Variants in PHACTR1 observed in about 807,000 individuals in gnomAD.
PHACTR1 encodes RPEL repeat containing 1.
Under a neutral mutation model 69.2 loss-of-function variants are expected in PHACTR1, and 16 were observed. The ratio of observed to expected loss-of-function variants is 0.23; its 90% CI spans 0.16 to 0.35. The LOEUF (loss-of-function observed/expected upper bound fraction) is 0.35. PHACTR1 is among the 10% of genes least tolerant of loss of function. The pLI, the probability that PHACTR1 is intolerant of heterozygous loss-of-function variation, is 1.00. For missense variants in PHACTR1, 510 were observed against 734.7 expected (o/e 0.69, Z 3.54); for synonymous variants, 312 against 284.5 (o/e 1.10, Z -0.97).
rs574723399 is a variant in PHACTR1 at position 12,946,030 on chromosome 6, G to T, written c.251-107335G>T. Among the ~76,000 whole-genome samples the T allele has an allele frequency of 8.6e-5, 13 of 150,848 alleles. No homozygotes were observed. In the East Asian group the frequency reaches 2.1e-3, roughly 25 times the overall value. ...AAGTTCATGAAACCTCCAAGGCGGG[G>T]GTGGAAGTGGATCTAGTATACAGTA... On this transcript the variant is annotated intron_variant, in intron 4 of 14. Transcript: ENST00000332995.
chr6:13,163,879 A>G (rs1759404366), intron 6 of PHACTR1, among the ~76,000 whole-genome samples: 1 of 152,124 alleles, frequency 6.6e-6, no homozygotes, highest in Non-Finnish European at 1.5e-5. Flanking sequence ...CTTTATAGCA[A>G]TCTATAAATT....
intron 5 of PHACTR1, among the ~76,000 whole-genome samples, chr6:13,089,264 C>G (rs1812818963): frequency 6.6e-6 from 1 of 152,214 alleles, no homozygotes; most frequent in Admixed American, 6.5e-5. Flanking sequence ...AAGCTCCATC[C>G]CCTGGAAGCT....
chr6:13,219,435 C>G (rs1048893452), intron 8 of PHACTR1, among the ~76,000 whole-genome samples: 1 of 152,084 alleles, frequency 6.6e-6, no homozygotes, highest in Admixed American at 6.6e-5. Flanking sequence ...ATGGGAGGAG[C>G]GTGGTGGTGA....
intron 4 of PHACTR1, among the ~76,000 whole-genome samples, chr6:12,958,648 G>T (rs1165147172): frequency 3.9e-5 from 6 of 152,190 alleles, no homozygotes; most frequent in Non-Finnish European, 8.8e-5. Context: ...AAGAGCCTGA[G>T]AAATAAACAA....
rs538646007 is a variant in PHACTR1 at position 13,195,829 on chromosome 6, C to G, written c.665-9986C>G. ...GAGGTTAGAGGTGTATTTATTTAGT[C>G]CACACTTATTCCGTGTGTCGGCTAC... On this transcript the variant is annotated intron_variant, in intron 7 of 14. Transcript: ENST00000332995. Among the ~76,000 whole-genome samples the G allele has an allele frequency of 1.4e-4, 20 of 145,764 alleles. No individual in the cohort carries two copies. In the South Asian group the frequency reaches 3.4e-3, roughly 25 times the overall value.
intron 4 of PHACTR1, among the ~76,000 whole-genome samples, chr6:12,822,220 G>A (rs1358794429): frequency 6.6e-6 from 1 of 152,122 alleles, no homozygotes; most frequent in Admixed American, 6.5e-5. Context: ...TGTGTTTTGA[G>A]AGGAGGAGAT....
chr6:12,923,079 G>T (rs1396885069), intron 4 of PHACTR1, among the ~76,000 whole-genome samples: 1 of 152,102 alleles, frequency 6.6e-6, no homozygotes, highest in African/African-American at 2.4e-5. Flanking sequence ...AATAGAATCC[G>T]AAACAGAGCC....
chr6:13,057,330 G>A (rs1806954279), intron 5 of PHACTR1, among the ~76,000 whole-genome samples: 1 of 152,100 alleles, frequency 6.6e-6, no homozygotes, highest in Admixed American at 6.5e-5. Flanking sequence ...GTAGAGCTTG[G>A]TTAATGAGAA....
intron 7 of PHACTR1, among the ~76,000 whole-genome samples, chr6:13,198,834 A>G (rs376574819): frequency 3.9e-5 from 6 of 152,304 alleles, no homozygotes; most frequent in African/African-American, 1.4e-4. Flanking sequence ...AACAGAACTG[A>G]ATCAGTGCAT....
At chr6:13,171,163 TCCCCA>T (rs57835953) in intron 6 of PHACTR1, among the ~76,000 whole-genome samples, 42,816 of 150,338 alleles carry the variant, frequency 0.28, 6,774 homozygotes, top group South Asian at 0.48. Flanking sequence ...CTCTTCACAG[TCCCCA>T]CCCCACCCCA....
In PHACTR1 at chr6:12,991,018, CA is replaced by C. The variant is rs529852535; in HGVS notation, c.251-62342del. 1.3e-4 allele frequency among the ~76,000 whole-genome samples: 20 copies of C among 152,154 alleles called. No individual in the cohort carries two copies. In the East Asian group the frequency reaches 3.7e-3, roughly 28 times the overall value. On this transcript the variant is annotated intron_variant, in intron 4 of 14. Transcript: ENST00000332995. ...CACAGGATAGCAGGGCGAGGCAGGC[CA>C]AAAAGGCAACATTTGGGCTGGAAAA... is the stretch of plus-strand genomic sequence containing the variant.
intron 4 of PHACTR1, among the ~76,000 whole-genome samples, chr6:12,820,699 GA>G (rs569794848): frequency 3.0e-4 from 45 of 152,248 alleles, no homozygotes; most frequent in Admixed American, 2.4e-3. Flanking sequence ...AGAGAAAACA[GA>G]AATTAATTGG....
At chr6:12,852,203 A>G (rs1779898138) in intron 4 of PHACTR1, among the ~76,000 whole-genome samples, 2 of 152,216 alleles carry the variant, frequency 1.3e-5, no homozygotes, top group Admixed American at 6.5e-5. Flanking sequence ...ATAATTGTGA[A>G]GCCAATTTAA....
chr6:13,206,995 G>A (rs1434954578), intron 8 of PHACTR1, among the ~76,000 whole-genome samples: 2 of 152,044 alleles, frequency 1.3e-5, no homozygotes, highest in Non-Finnish European at 2.9e-5. Flanking sequence ...CTTATTCAAG[G>A]ACCTGCTGTA....
At chr6:12,749,341 T>C (rs1766231449) in intron 3 of PHACTR1, 18 of 467,710 alleles carry the variant, frequency 3.8e-5, no homozygotes, top group South Asian at 2.6e-4. Flanking sequence ...CCCTCGGCCC[T>C]GTGGCTGGGA....
chr6:12,891,134 C>T (rs1784131503), intron 4 of PHACTR1, among the ~76,000 whole-genome samples: 1 of 151,922 alleles, frequency 6.6e-6, no homozygotes, highest in South Asian at 2.1e-4. Flanking sequence ...TTTTCTCATT[C>T]ATCATGTTTG....
At chr6:12,734,978 T>C (rs1357750616) in intron 3 of PHACTR1, among the ~76,000 whole-genome samples, 1 of 152,212 alleles carries the variant, frequency 6.6e-6, no homozygotes, top group East Asian at 1.9e-4. Flanking sequence ...GCGTATCAAA[T>C]TACCCCAAAA....
chr6:12,868,994 G>A (rs564720094), intron 4 of PHACTR1, among the ~76,000 whole-genome samples: 2 of 152,120 alleles, frequency 1.3e-5, no homozygotes, highest in Admixed American at 1.3e-4. Flanking sequence ...CAGGTCTTGG[G>A]TAGCAGGTCC....
chr6:12,995,049 T>C (rs954171714), intron 4 of PHACTR1, among the ~76,000 whole-genome samples: 2 of 152,008 alleles, frequency 1.3e-5, no homozygotes, highest in African/African-American at 2.4e-5. Context: ...GTGAAGTTGA[T>C]AAATATGTTT....
Sources: gnomAD v4.1 joint callset for allele counts (sites outside exome capture counted in the v4.1 genomes callset) on GRCh38, gnomAD v4.1.1 for gene constraint, MANE v1.5 for transcripts, NCBI Gene and HGNC (gene_info 2026-07-23, HGNC 2026-07-21) for gene names.